The following PDGFRL variants were observed in gnomAD, a reference collection of about 807,000 sequenced individuals.
The protein encoded by PDGFRL is platelet derived growth factor receptor like.
PDGFRL carries 46 observed loss-of-function variants against 37.2 expected under a neutral mutation model. The ratio of observed to expected loss-of-function variants is 1.24; its 90% CI spans 0.98 to 1.58. The LOEUF (loss-of-function observed/expected upper bound fraction) is 1.58, where lower values mean the gene tolerates loss of function less well. PDGFRL is among the 40% of genes most tolerant of loss of function. PDGFRL has a pLI of 0.00. For synonymous variants in PDGFRL, 251 were observed against 184.3 expected, an observed-to-expected ratio of 1.36 and a Z score of -2.93; for missense variants, 692 against 467.6, an observed-to-expected ratio of 1.48 and a Z score of -4.43.
At chr8:17,623,170 A>G (rs549707256) in intron 3 of PDGFRL, among the ~76,000 whole-genome samples, 15 of 152,310 alleles carry the variant, frequency 9.8e-5, no homozygotes, top group African/African-American at 3.6e-4. Flanking sequence ...TAGTGGCACA[A>G]TAAGGAGCCA....
intron 4 of PDGFRL, among the ~76,000 whole-genome samples, chr8:17,629,346 C>T (rs1804813037): frequency 6.6e-6 from 1 of 151,134 alleles, no homozygotes; most frequent in South Asian, 2.1e-4. Context: ...CCAAATCCTT[C>T]CATCGTTCAC....
chr8:17,603,706 T>C (rs763491727), intron 2 of PDGFRL, among the ~76,000 whole-genome samples: 47 of 152,212 alleles, frequency 3.1e-4, no homozygotes, highest in Non-Finnish European at 6.6e-4. Flanking sequence ...GTGAGCAAAA[T>C]AGATAAAATC....
In PDGFRL at chr8:17,577,368, G is replaced by C; in HGVS notation, c.55+61G>C. The C allele has an allele frequency of 3.7e-6, 5 of 1,362,734 alleles. No homozygotes were observed. The South Asian group carries it at 4.9e-5, about 13-fold the overall frequency. 84.4% of individuals were successfully genotyped at this position (1,362,734 alleles called of 1,614,324 possible). On this transcript the variant is annotated intron_variant, in intron 1 of 5. Coordinates refer to ENST00000251630, the MANE Select transcript of PDGFRL (RefSeq NM_001372073.1). ...GCCCTGACTTTAGCCGGGACCCGAA[G>C]CCCCCGCCGCCCTCCTGCCAGCTCT...
intron 2 of PDGFRL, among the ~76,000 whole-genome samples, chr8:17,616,899 A>G (rs923814939): frequency 6.6e-6 from 1 of 152,168 alleles, no homozygotes; most frequent in African/African-American, 2.4e-5. Context: ...TCACCGGGGC[A>G]GACAGGAAAT....
chr8:17,578,376 T>C (rs1803633636), intron 1 of PDGFRL, among the ~76,000 whole-genome samples: 2 of 152,318 alleles, frequency 1.3e-5, no homozygotes, highest in African/African-American at 4.8e-5. Flanking sequence ...TACCGCATTG[T>C]AGTTTGCAAA....
intron 4 of PDGFRL, among the ~76,000 whole-genome samples, chr8:17,632,446 T>G (rs1804882607): frequency 6.6e-6 from 1 of 152,048 alleles, no homozygotes; most frequent in Non-Finnish European, 1.5e-5. Flanking sequence ...GCTCGAGGGA[T>G]TCTCCTGTCT....
intron 5 of PDGFRL, among the ~76,000 whole-genome samples, chr8:17,638,045 A>C (rs1805008284): frequency 6.6e-6 from 1 of 151,988 alleles, no homozygotes; most frequent in Admixed American, 6.6e-5. Context: ...GTTCAATTTC[A>C]TTCAGTTCTG....
At position 17,589,639 on chromosome 8, in the gene PDGFRL, G is replaced by A. The variant is rs768513444; in HGVS notation, c.227G>A (p.Arg76His). The A allele has an allele frequency of 6.2e-6, 10 of 1,613,842 alleles. No individual in the cohort carries two copies. The highest frequency in any genetic ancestry group is 2.2e-5 in the East Asian group (1 of 44,856). Reference protein sequence around the residue: ...SIMMQVLDKGRFQKPAATLSL... With the variant: ...SIMMQVLDKGHFQKPAATLSL... ...ATGATGCAAGTGCTGGATAAAGGTC[G>A]CTTCCAGAAACCCGCCGCTACCCTG... The change falls in exon 2 of 6, where the codon CGC becomes CAC. Residue 76 changes from arginine to histidine, a missense_variant. Coordinates refer to ENST00000251630, the MANE Select transcript of PDGFRL (RefSeq NM_001372073.1).
At position 17,589,635 on chromosome 8, in the gene PDGFRL, G is replaced by T. The variant is rs1309739849; in HGVS notation, c.223G>T (p.Gly75Cys). The change falls in exon 2 of 6, where the codon GGT becomes TGT. Residue 75 changes from glycine (G) to cysteine (C), a missense_variant. Gly to Cys is a radical substitution (Grantham distance 159). Coordinates refer to ENST00000251630, the MANE Select transcript of PDGFRL (RefSeq NM_001372073.1). ...TATCATGATGCAAGTGCTGGATAAA[G>T]GTCGCTTCCAGAAACCCGCCGCTAC... Reference protein sequence around the residue: ...QSIMMQVLDKGRFQKPAATLS... With the variant: ...QSIMMQVLDKCRFQKPAATLS... 1 of 1,614,046 alleles carries T rather than the reference G, an allele frequency of 6.2e-7. No individual in the cohort carries two copies. The highest frequency in any genetic ancestry group is 1.7e-5 in the Admixed American group (1 of 60,022).
In PDGFRL at chr8:17,634,096, A is replaced by C; in HGVS notation, c.822A>C (p.Thr274=). The change falls in exon 5 of 6, where the codon ACA becomes ACC. Residue 274 remains threonine, a synonymous_variant. Transcript: ENST00000251630. ...YVAVPSGPPS[T]TILASSNKVK... is the part of the protein sequence containing the mutation. ...CAGTTCCCAGTGGCCCTCCCTCAACAACCATCTTGGCTTCTTCAAACAAAG... is the reference window on the plus strand; with the variant it reads ...CAGTTCCCAGTGGCCCTCCCTCAACCACCATCTTGGCTTCTTCAAACAAAG... 6.2e-7 allele frequency: 1 copy of C among 1,614,114 alleles called. No individual in the cohort carries two copies. The highest frequency in any genetic ancestry group is 2.2e-5 in the East Asian group (1 of 44,882).
intron 1 of PDGFRL, among the ~76,000 whole-genome samples, chr8:17,588,285 C>T (rs959060942): frequency 6.6e-6 from 1 of 152,128 alleles, no homozygotes; most frequent in African/African-American, 2.4e-5. Context: ...ATAATATTTA[C>T]TCTTTAATAA....
chr8:17,624,427 T>C (rs1361101883), intron 3 of PDGFRL, among the ~76,000 whole-genome samples: 3 of 152,216 alleles, frequency 2.0e-5, no homozygotes, highest in African/African-American at 2.4e-5. Flanking sequence ...TCACTTCTTA[T>C]TGTAGTATAA....
At chr8:17,579,463 A>G (rs985278482) in intron 1 of PDGFRL, among the ~76,000 whole-genome samples, 4 of 152,024 alleles carry the variant, frequency 2.6e-5, no homozygotes, top group Admixed American at 1.3e-4. Flanking sequence ...CACAAATTAC[A>G]GACACAAGGT....
chr8:17,639,775 T>C (rs1201097396), intron 5 of PDGFRL, among the ~76,000 whole-genome samples: 1 of 152,212 alleles, frequency 6.6e-6, no homozygotes, highest in Non-Finnish European at 1.5e-5. Context: ...CTTTTTGCAA[T>C]GAATTTCTCA....
intron 2 of PDGFRL, among the ~76,000 whole-genome samples, chr8:17,617,851 A>C (rs1203929673): frequency 6.6e-6 from 1 of 152,106 alleles, no homozygotes; most frequent in East Asian, 1.9e-4. Flanking sequence ...AGTGCTAGCA[A>C]ATGCTCGGCC....
chr8:17,576,624 GCA>G, upstream of PDGFRL: 2 of 662,906 alleles, frequency 3.0e-6, no homozygotes, highest in South Asian at 1.4e-4. Flanking sequence ...CGGGTTGTCT[GCA>G]CAGTCTCATT....
chr8:17,605,411 G>T (rs2517188), intron 2 of PDGFRL, among the ~76,000 whole-genome samples: 2 of 152,042 alleles, frequency 1.3e-5, no homozygotes, highest in African/African-American at 4.8e-5. Flanking sequence ...AAAACTTTGT[G>T]TAAGAATATT....
At chr8:17,580,828 A>G (rs1803690498) in intron 1 of PDGFRL, among the ~76,000 whole-genome samples, 1 of 152,038 alleles carries the variant, frequency 6.6e-6, no homozygotes, top group African/African-American at 2.4e-5. Flanking sequence ...CCCTGCCTCC[A>G]CTAGCTTCTG....
intron 2 of PDGFRL, among the ~76,000 whole-genome samples, chr8:17,602,677 T>G (rs1288334998): frequency 6.6e-6 from 1 of 152,152 alleles, no homozygotes. Context: ...CTGGGCTATT[T>G]GGAAAGGAGA....
Sources: allele counts gnomAD v4.1 joint callset (sites outside exome capture counted in the v4.1 genomes callset), GRCh38; gene constraint gnomAD v4.1.1; transcripts MANE v1.5; gene names NCBI Gene and HGNC (gene_info 2026-07-23, HGNC 2026-07-21).